OPCML: variants seen among roughly 807,000 people sequenced by gnomAD.
The protein encoded by OPCML is opioid-binding protein/cell adhesion molecule.
In OPCML, 13 loss-of-function variants were observed where a neutral mutation model predicts 37.8. The observed-to-expected ratio is 0.34, with a 90% CI of 0.22 to 0.55. The LOEUF (loss-of-function observed/expected upper bound fraction) is 0.55, where lower values mean the gene tolerates loss of function less well. OPCML is among the 20% of genes least tolerant of loss of function. OPCML has a pLI of 0.91. For missense variants in OPCML, 341 were observed against 435.6 expected (o/e 0.78, Z 1.93); for synonymous variants, 176 against 168.8 (o/e 1.04, Z -0.33).
intron 2 of OPCML, among the ~76,000 whole-genome samples, chr11:132,926,476 T>C (rs928451069): frequency 6.6e-6 from 1 of 152,016 alleles, no homozygotes; most frequent in African/African-American, 2.4e-5. Flanking sequence ...AAAATAGCCA[T>C]GTGTATACAG....
At chr11:132,861,840 A>T (rs1216543187) in intron 2 of OPCML, among the ~76,000 whole-genome samples, 1 of 130,726 alleles carries the variant, frequency 7.6e-6, no homozygotes, top group African/African-American at 3.3e-5. Flanking sequence ...ATCTCAAATA[A>T]AAAAAAAAAA....
intron 3 of OPCML, among the ~76,000 whole-genome samples, chr11:132,535,789 G>A (rs747748986): frequency 7.2e-5 from 11 of 152,140 alleles, no homozygotes; most frequent in South Asian, 2.1e-4. Context: ...TGGATCTTGC[G>A]GTTTCCTCCC....
chr11:132,717,383 C>A, intron 2 of OPCML, among the ~76,000 whole-genome samples: 1 of 152,032 alleles, frequency 6.6e-6, no homozygotes. Context: ...GCAGGCATTA[C>A]AGTTGTGTTT....
At chr11:132,652,253 G>A (rs753980328) in intron 3 of OPCML, among the ~76,000 whole-genome samples, 1 of 151,720 alleles carries the variant, frequency 6.6e-6, no homozygotes. Context: ...ATTTATTGTA[G>A]CTTTGGTGTC....
chr11:132,570,655 A>G (rs2096434972), intron 3 of OPCML, among the ~76,000 whole-genome samples: 1 of 150,526 alleles, frequency 6.6e-6, no homozygotes, highest in Admixed American at 6.6e-5. Flanking sequence ...CAGGGGAAAT[A>G]ATAGTAAATA....
chr11:132,543,598 T>A (rs571887126), intron 3 of OPCML, among the ~76,000 whole-genome samples: 1 of 152,008 alleles, frequency 6.6e-6, no homozygotes, highest in African/African-American at 2.4e-5. Flanking sequence ...CTAAAAAAAA[T>A]TAAAAACTAC....
At chr11:132,520,470 AAAC>A (rs2096290112) in intron 4 of OPCML, among the ~76,000 whole-genome samples, 1 of 152,178 alleles carries the variant, frequency 6.6e-6, no homozygotes, top group African/African-American at 2.4e-5. Context: ...AATATTTTAG[AAAC>A]AACAAATTCT....
At chr11:132,436,591 C>T in intron 6 of OPCML, 68 bp downstream of exon 6, 4 of 1,590,058 alleles carry the variant, frequency 2.5e-6, no homozygotes, top group South Asian at 1.1e-5. Context: ...TCATCCTCAT[C>T]CTTCTCCCAT....
chr11:132,657,288 C>A lies in OPCML; in HGVS notation c.178G>T (p.Ala60Ser). 1 of 1,614,194 alleles carries A rather than the reference C, an allele frequency of 6.2e-7. No homozygotes were observed. The highest frequency in any genetic ancestry group is 8.5e-7 in the Non-Finnish European group (1 of 1,180,038). Residue 60 changes from alanine to serine, a missense_variant, in exon 3 of 8, where the codon GCC (alanine) becomes TCC (serine). Coordinates refer to ENST00000524381, the MANE Select transcript of OPCML (RefSeq NM_001012393.5). ...AGGATGGTGCTGCGGTTTAGCCAGG[C>A]CACCCGGGTTACCCGGTCATCTATG... ...CTIDDRVTRV[A>S]WLNRSTILYA...
intron 1 of OPCML, among the ~76,000 whole-genome samples, chr11:133,470,395 T>C (rs577748650): frequency 6.6e-6 from 1 of 152,326 alleles, no homozygotes; most frequent in South Asian, 2.1e-4. Flanking sequence ...GACAATCTCA[T>C]GGTGGAGAAA....
intron 3 of OPCML, among the ~76,000 whole-genome samples, chr11:132,553,927 G>A (rs2096388324): frequency 6.6e-6 from 1 of 152,178 alleles, no homozygotes; most frequent in East Asian, 1.9e-4. Flanking sequence ...TGGAAACCAT[G>A]AGCCAAAGCC....
chr11:132,808,473 G>A (rs1939144807), intron 2 of OPCML, among the ~76,000 whole-genome samples: 1 of 152,244 alleles, frequency 6.6e-6, no homozygotes. Context: ...GGAGGGGGCA[G>A]AGCACTGTGT....
intron 2 of OPCML, among the ~76,000 whole-genome samples, chr11:132,919,929 G>A (rs1174105643): frequency 6.6e-6 from 1 of 152,214 alleles, no homozygotes; most frequent in African/African-American, 2.4e-5. Flanking sequence ...TACATGAAAT[G>A]TCTAGCATAA....
intron 1 of OPCML, among the ~76,000 whole-genome samples, chr11:133,250,706 A>G (rs1941103724): frequency 6.6e-6 from 1 of 152,248 alleles, no homozygotes; most frequent in Non-Finnish European, 1.5e-5. Flanking sequence ...GTGTTTACCA[A>G]GAACCACATT....
Position 133,042,897 on chromosome 11 carries a change from G to A in OPCML, c.62-99887C>T, listed in dbSNP as rs577823513. ...CTATTTTTGGCATCAACCTGCTACT[G>A]TAATTTAATTATCAAGGGAGAAAAT... On this transcript the variant is annotated intron_variant, in intron 1 of 7. Coordinates refer to ENST00000524381, the MANE Select transcript of OPCML (RefSeq NM_001012393.5). 4.6e-5 allele frequency among the ~76,000 whole-genome samples: 7 copies of A among 152,212 alleles called. No individual in the cohort carries two copies. The South Asian group carries it at 1.2e-3, about 27-fold the overall frequency.
chr11:132,591,607 T>G (rs984115918), intron 3 of OPCML, among the ~76,000 whole-genome samples: 26 of 152,214 alleles, frequency 1.7e-4, no homozygotes, highest in African/African-American at 6.0e-4. Context: ...CATATCGCCT[T>G]GAACAAGCGA....
intron 7 of OPCML, among the ~76,000 whole-genome samples, chr11:132,421,091 C>T (rs775219421): frequency 9.2e-5 from 14 of 152,042 alleles, no homozygotes; most frequent in Non-Finnish European, 1.0e-4. Context: ...TTTCCCCTCA[C>T]CTTCCATGGC....
chr11:133,309,610 T>C (rs918740138), intron 1 of OPCML, among the ~76,000 whole-genome samples: 2 of 152,242 alleles, frequency 1.3e-5, no homozygotes, highest in African/African-American at 4.8e-5. Flanking sequence ...ATATGTTCTG[T>C]AGATTAGTTA....
chr11:132,436,591 C>G, intron 6 of OPCML, 68 bp downstream of exon 6: 1 of 1,590,058 alleles, frequency 6.3e-7, no homozygotes, highest in Non-Finnish European at 8.6e-7. Flanking sequence ...TCATCCTCAT[C>G]CTTCTCCCAT....
Sources: allele counts gnomAD v4.1 joint callset (sites outside exome capture counted in the v4.1 genomes callset), GRCh38; gene constraint gnomAD v4.1.1; transcripts MANE v1.5; gene names NCBI Gene and HGNC (gene_info 2026-07-23, HGNC 2026-07-21).